Variants in SIPA1 observed in about 807,000 individuals in gnomAD.
SIPA1 encodes signal-induced proliferation-associated 1.
SIPA1 carries 51 observed loss-of-function variants against 88.1 expected under a neutral mutation model. The ratio of observed to expected loss-of-function variants is 0.58; its 90% CI spans 0.46 to 0.73. The LOEUF (loss-of-function observed/expected upper bound fraction) is 0.73, where lower values mean the gene tolerates loss of function less well. SIPA1 is among the 30% of genes least tolerant of loss of function. The pLI, the probability that SIPA1 is intolerant of heterozygous loss-of-function variation, is 0.00. For synonymous variants in SIPA1, 681 were observed against 664.8 expected, an observed-to-expected ratio of 1.02 and a Z score of -0.37; for missense variants, 1,348 against 1,467.6, an observed-to-expected ratio of 0.92 and a Z score of 1.33.
In SIPA1 at chr11:65,650,654, C is replaced by T; in HGVS notation, c.3068C>T (p.Ala1023Val). The T allele has an allele frequency of 6.4e-7, 1 of 1,574,024 alleles. No homozygotes were observed. The highest frequency in any genetic ancestry group is 8.6e-7 in the Non-Finnish European group (1 of 1,159,770). ...CGGCTGCAGGCGGAGTCTGAGAGTG[C>T]AGCCACACGCCTCCTCCTGGCCTCC... is the stretch of plus-strand genomic sequence containing the variant. Reference protein sequence around the residue: ...NRRLQAESESAATRLLLASKQ... With the variant: ...NRRLQAESESVATRLLLASKQ... Residue 1023 changes from alanine to valine, a missense_variant, in exon 16 of 16, where the codon GCA becomes GTA. Physicochemically the swap from Ala to Val is moderately conservative, Grantham distance 64. This residue lies in a region of SIPA1 where 615 missense variants were observed against 559.8 expected (regional missense o/e 1.10). Transcript: ENST00000534313.
rs1856151740 is a variant in SIPA1, at chr11:65,647,469, G to C, written c.2117G>C (p.Gly706Ala). 6.8e-7 allele frequency: 1 copy of C among 1,479,632 alleles called. No homozygotes were observed. Among genetic ancestry groups the C allele is most frequent in the Non-Finnish European group, 8.9e-7 (1 of 1,123,816 alleles). 91.7% of individuals were successfully genotyped at this position (1,479,632 alleles called of 1,614,324 possible). ...GRLGFEVDAE[G>A]FVTHVERFTF... is the part of the protein sequence containing the mutation. ...CTGGGCTTCGAGGTGGACGCCGAGG[G>C]ATTCGTCACGCACGTGGAGCGCTTC... The change falls in exon 9 of 16, where the codon GGA (glycine) becomes GCA (alanine). Residue 706 changes from glycine (G) to alanine (A), a missense_variant. By Grantham distance (60) the Gly-to-Ala change is moderately conservative. Around this residue, in one of 4 missense-constraint regions of SIPA1, gnomAD observed 615 missense variants for 559.8 expected, o/e 1.10. Transcript: ENST00000534313.
At chr11:65,639,742 C>T (rs1855966216) in intron 1 of SIPA1, 1 of 152,384 alleles carries the variant, frequency 6.6e-6, no homozygotes, top group Non-Finnish European at 1.5e-5. Flanking sequence ...CTGCCTCTGG[C>T]GTCACGTTTC....
rs1322117010 is a variant in SIPA1, at chr11:65,647,048, G to A, written c.2014G>A (p.Val672Met). The A allele has an allele frequency of 5.2e-6, 8 of 1,543,384 alleles. No individual in the cohort carries two copies. The highest frequency in any genetic ancestry group is 1.4e-5 in the African/African-American group (1 of 73,584). ...GTCCCCCGGCCAAGCCGTGGGCGAG[G>A]TGGTGGCGCGCCTGCAGGTGAGCTG... ...DGSPGQAVGE[V>M]VARLQLVSRG... The change falls in exon 8 of 16, where the codon GTG becomes ATG. Residue 672 changes from valine to methionine, a missense_variant. Physicochemically the swap from Val to Met is conservative, Grantham distance 21. Coordinates refer to ENST00000534313, the MANE Select transcript of SIPA1 (RefSeq NM_006747.4).
At chr11:65,644,161 C>T (rs1159098169) in intron 4 of SIPA1, among the ~76,000 whole-genome samples, 1 of 149,720 alleles carries the variant, frequency 6.7e-6, no homozygotes, top group Admixed American at 6.6e-5. Flanking sequence ...CATTAGGCAG[C>T]CGGAGAAAAA....
chr11:65,647,740 C>T, intron 9 of SIPA1, 82 bp downstream of exon 9: 2 of 1,140,550 alleles, frequency 1.8e-6, no homozygotes, highest in South Asian at 2.8e-5. Context: ...TCGCCATCAG[C>T]AGTTTCAGGA....
Position 65,650,733 on chromosome 11 carries a change from G to T in SIPA1, c.*18G>T. The T allele has an allele frequency of 1.3e-6, 2 of 1,542,040 alleles. No homozygotes were observed. Among genetic ancestry groups the T allele is most frequent in the Non-Finnish European group, 1.8e-6 (2 of 1,142,556 alleles). Reference sequence around the variant, plus strand: ...TGGCCTGAGCCGTCTGGAACCACCTGGGCCCCTGAGGGCACTGTGGTCACA... The same window carrying T: ...TGGCCTGAGCCGTCTGGAACCACCTTGGCCCCTGAGGGCACTGTGGTCACA... On this transcript the variant is annotated 3_prime_UTR_variant, in exon 16 of 16. Coordinates refer to ENST00000534313, the MANE Select transcript of SIPA1 (RefSeq NM_006747.4).
Position 65,650,666 on chromosome 11 carries a change from T to G in SIPA1, c.3080T>G (p.Leu1027Arg), listed in dbSNP as rs1243825180. The change falls in exon 16 of 16, where the codon CTC becomes CGC. Residue 1027 changes from leucine (L) to arginine (R), a missense_variant. By Grantham distance (102) the Leu-to-Arg change is moderately radical. Coordinates refer to ENST00000534313, the MANE Select transcript of SIPA1 (RefSeq NM_006747.4). ...QAESESAATR[L>R]LLASKQLGSP... ...GAGTCTGAGAGTGCAGCCACACGCC[T>G]CCTCCTGGCCTCCAAGCAGCTGGGC... 5 of 1,576,762 alleles carry G rather than the reference T, an allele frequency of 3.2e-6. No homozygotes were observed. Among genetic ancestry groups the G allele is most frequent in the South Asian group, 1.2e-5 (1 of 86,660 alleles).
At chr11:65,649,067 A>G in intron 9 of SIPA1, 195 bp from the exon 10 acceptor site, 1 of 554,368 alleles carries the variant, frequency 1.8e-6, no homozygotes, top group Non-Finnish European at 3.2e-6. Flanking sequence ...TGCTTGGGAT[A>G]TACAGGGGCA....
intron 6 of SIPA1, 34 bp downstream of exon 6, chr11:65,645,991 C>T (rs1036847195): frequency 7.2e-6 from 11 of 1,529,318 alleles, no homozygotes; most frequent in East Asian, 2.3e-5. Context: ...GTGGGGCTTC[C>T]GGGAACCATG....
chr11:65,643,751 G>A (rs1313383401), intron 4 of SIPA1, among the ~76,000 whole-genome samples: 3 of 152,234 alleles, frequency 2.0e-5, no homozygotes, highest in African/African-American at 7.2e-5. Context: ...CTTGTGCAAA[G>A]GCTTGGAGAA....
intron 10 of SIPA1, 22 bp from the exon 11 acceptor site, chr11:65,649,539 G>A: frequency 6.2e-7 from 1 of 1,613,964 alleles, no homozygotes; most frequent in Non-Finnish European, 8.5e-7. Flanking sequence ...TTCCCTTTCT[G>A]AGCCACCCCT....
intron 14 of SIPA1, 55 bp downstream of exon 14, chr11:65,650,247 G>C (rs369891649): frequency 1.3e-6 from 2 of 1,586,100 alleles, no homozygotes; most frequent in Non-Finnish European, 1.7e-6. Flanking sequence ...CCCCCCCTTC[G>C]TGCCTGTCTG....
At chr11:65,644,821 T>C in intron 4 of SIPA1, 134 bp from the exon 5 acceptor site, 2 of 855,692 alleles carry the variant, frequency 2.3e-6, no homozygotes, top group Non-Finnish European at 3.7e-6. Context: ...TGTACTCACC[T>C]GACAGGCAAG....
chr11:65,650,554 T>TC lies in SIPA1; in HGVS notation c.2983-11dup, dbSNP rs1265793499. 1.2e-6 allele frequency: 2 copies of TC among 1,608,730 alleles called. No homozygotes were observed. Among genetic ancestry groups the TC allele is most frequent in the Non-Finnish European group, 1.7e-6 (2 of 1,177,182 alleles). On this transcript the variant is annotated splice_polypyrimidine_tract_variant and intron_variant, in intron 15 of 15. Coordinates refer to ENST00000534313, the MANE Select transcript of SIPA1 (RefSeq NM_006747.4). ...GGGGCTGGCGGCTCTGACTCCTGTC[T>TC]CCCCGGCACCCCAGGAGAAGGCGGA...
At position 65,647,641 on chromosome 11, in the gene SIPA1, G is replaced by T; in HGVS notation, c.2289G>T (p.Glu763Asp). 1 of 1,383,708 alleles carries T rather than the reference G, an allele frequency of 7.2e-7. No homozygotes were observed. The highest frequency in any genetic ancestry group is 1.5e-5 in the South Asian group (1 of 66,888). The allele number at this position is 1,383,708 out of a possible 1,614,324, so 85.7% of individuals were successfully genotyped here. A position where few individuals can be genotyped will look rare whatever the true frequency, so the allele number is the denominator to read the frequency against. Residue 763 changes from glutamate to aspartate, a missense_variant, in exon 9 of 16, where the codon GAG becomes GAT. Coordinates refer to ENST00000534313, the MANE Select transcript of SIPA1 (RefSeq NM_006747.4). ...GCGTCACCGTCCTGCCCCCCGACGA[G>T]AGCGGCCGGCCCCGCAGGTCAGGGT... ...KVCVTVLPPDESGRPRRSFSE... is the reference protein window; with the variant it reads ...KVCVTVLPPDDSGRPRRSFSE...
At position 65,650,048 on chromosome 11, in the gene SIPA1, G is replaced by A; in HGVS notation, c.2845G>A (p.Glu949Lys). The A allele has an allele frequency of 1.2e-6, 2 of 1,614,016 alleles. No individual in the cohort carries two copies. The highest frequency in any genetic ancestry group is 1.7e-6 in the Non-Finnish European group (2 of 1,179,984). Residue 949 changes from glutamate (E) to lysine (K), a missense_variant, in exon 13 of 16, where the codon GAG becomes AAG. Glu to Lys is a moderately conservative substitution (Grantham distance 56). This residue lies in a region of SIPA1 where 615 missense variants were observed against 559.8 expected (regional missense o/e 1.10). Transcript: ENST00000534313. ...CACCATTCTGGAGTCGCTGTCCCGA[G>A]AGGGTGAGGCCACCAGGGTGCTGCG... is the stretch of plus-strand genomic sequence containing the variant. ...CNTILESLSREGQPIPESGDP... is the reference protein window; with the variant it reads ...CNTILESLSRKGQPIPESGDP...
rs2135511270 is a variant in SIPA1 at position 65,642,393 on chromosome 11, G to C, written c.807+16G>C. 6.3e-7 allele frequency: 1 copy of C among 1,589,172 alleles called. No individual in the cohort carries two copies. Among genetic ancestry groups the C allele is most frequent in the East Asian group, 2.3e-5 (1 of 43,638 alleles). On this transcript the variant is annotated intron_variant, in intron 3 of 15. Coordinates refer to ENST00000534313, the MANE Select transcript of SIPA1 (RefSeq NM_006747.4). This position sits in a 1 kb window ranked among gnomAD's most constrained non-coding sequence, Gnocchi z 6.5. The stretch of plus-strand genomic sequence containing the variant: ...GACCACGCAGGTGGGCCGGGATCGC[G>C]GGATCAGGACGTGGGTTGCCTCCCC...
At position 65,650,027 on chromosome 11, in the gene SIPA1, A is replaced by T. The variant is rs138854535; in HGVS notation, c.2824A>T (p.Ile942Phe). The change falls in exon 13 of 16, where the codon ATT becomes TTT. Residue 942 changes from isoleucine (I) to phenylalanine (F), a missense_variant. By Grantham distance (21) the Ile-to-Phe change is conservative. Around this residue, in one of 4 missense-constraint regions of SIPA1, gnomAD observed 615 missense variants for 559.8 expected, o/e 1.10. Coordinates refer to ENST00000534313, the MANE Select transcript of SIPA1 (RefSeq NM_006747.4). Reference sequence around the variant, plus strand: ...GGAGATTGCCTCTACTTGCAACACCATTCTGGAGTCGCTGTCCCGAGAGGG... The same window carrying T: ...GGAGATTGCCTCTACTTGCAACACCTTTCTGGAGTCGCTGTCCCGAGAGGG... Reference protein sequence around the residue: ...ISEIASTCNTILESLSREGQP... With the variant: ...ISEIASTCNTFLESLSREGQP... The T allele has an allele frequency of 6.2e-7, 1 of 1,613,762 alleles. No homozygotes were observed. The highest frequency in any genetic ancestry group is 8.5e-7 in the Non-Finnish European group (1 of 1,179,970).
chr11:65,647,366 G>A lies in SIPA1; in HGVS notation c.2032-18G>A. ...CACCTCCCGGCAGCCCCGCCCACTCGTCCCGCCCCGTCCGCAGCTGGTGAG... is the reference window on the plus strand; with the variant it reads ...CACCTCCCGGCAGCCCCGCCCACTCATCCCGCCCCGTCCGCAGCTGGTGAG... On this transcript the variant is annotated intron_variant, in intron 8 of 15. Coordinates refer to ENST00000534313, the MANE Select transcript of SIPA1 (RefSeq NM_006747.4). 7.1e-7 allele frequency: 1 copy of A among 1,407,408 alleles called. No homozygotes were observed. Among genetic ancestry groups the A allele is most frequent in the South Asian group, 1.5e-5 (1 of 67,104 alleles). 87.2% of individuals were successfully genotyped at this position (1,407,408 alleles called of 1,614,324 possible). A position where few individuals can be genotyped will look rare whatever the true frequency, so the allele number is the denominator to read the frequency against.
Sources: allele counts gnomAD v4.1 joint callset (sites outside exome capture counted in the v4.1 genomes callset), GRCh38; gene constraint gnomAD v4.1.1; regional missense constraint gnomAD v4.1.1; non-coding constraint Gnocchi (gnomAD v3.1); transcripts MANE v1.5; gene names NCBI Gene and HGNC (gene_info 2026-07-23, HGNC 2026-07-21).